The following ROBO2 variants were observed in gnomAD, a reference collection of about 807,000 sequenced individuals.
The protein encoded by ROBO2 is roundabout homolog 2.
ROBO2 carries 53 observed loss-of-function variants against 160.8 expected under a neutral mutation model. That is an observed-to-expected ratio of 0.33 (90% confidence interval 0.26 to 0.41). ROBO2 has a LOEUF of 0.41. Among genes scored for constraint, ROBO2 ranks in the 10% least tolerant of loss-of-function variants. The pLI is 1.00. For synonymous variants in ROBO2, 664 were observed against 611.7 expected, an observed-to-expected ratio of 1.09 and a Z score of -1.26; for missense variants, 1,577 against 1,722.4, an observed-to-expected ratio of 0.92 and a Z score of 1.49.
chr3:76,953,957 T>C (rs2079101268), intron 2 of ROBO2, among the ~76,000 whole-genome samples: 2 of 152,228 alleles, frequency 1.3e-5, no homozygotes, highest in Non-Finnish European at 2.9e-5. Flanking sequence ...TAAAATTCCA[T>C]ATAGCTGTAG....
At chr3:77,071,575 G>A (rs2067415356) in intron 1 of ROBO2, among the ~76,000 whole-genome samples, 1 of 152,104 alleles carries the variant, frequency 6.6e-6, no homozygotes, top group East Asian at 1.9e-4. Context: ...ATGCTGTTTT[G>A]GAAAGCATGG....
chr3:77,354,018 A>G (rs958653977), intron 2 of ROBO2, among the ~76,000 whole-genome samples: 4 of 152,192 alleles, frequency 2.6e-5, no homozygotes, highest in African/African-American at 9.7e-5. Context: ...GCACTTTGAA[A>G]TTATGCCCTT....
intron 2 of ROBO2, among the ~76,000 whole-genome samples, chr3:76,339,124 A>C (rs2074062969): frequency 6.6e-6 from 1 of 152,150 alleles, no homozygotes; most frequent in Non-Finnish European, 1.5e-5. Context: ...TGTCCTTTAA[A>C]CTTATCTAAA....
chr3:77,330,026 T>C (rs2065821033), intron 2 of ROBO2, among the ~76,000 whole-genome samples: 1 of 152,200 alleles, frequency 6.6e-6, no homozygotes, highest in Non-Finnish European at 1.5e-5. Context: ...GTAATATTTC[T>C]ACTTTTCCTT....
At chr3:77,367,307 T>C (rs1462237573) in intron 2 of ROBO2, among the ~76,000 whole-genome samples, 2 of 152,152 alleles carry the variant, frequency 1.3e-5, no homozygotes, top group African/African-American at 4.8e-5. Flanking sequence ...GTATCCTTTT[T>C]CTAAGGAAAT....
At chr3:77,218,157 T>C (rs61123920) in intron 2 of ROBO2, among the ~76,000 whole-genome samples, 5,391 of 152,232 alleles carry the variant, frequency 0.035, 115 homozygotes, top group Middle Eastern at 0.058. Flanking sequence ...TATGGATGTG[T>C]TCAATCCCCT....
At chr3:76,969,834 A>AGT (rs372433106) in intron 2 of ROBO2, among the ~76,000 whole-genome samples, 58 of 151,540 alleles carry the variant, frequency 3.8e-4, no homozygotes, top group Non-Finnish European at 6.1e-4. Flanking sequence ...TGTGTGTGTT[A>AGT]GTGTGTGTGT....
rs538506381 is a variant in ROBO2, at chr3:77,570,084, A to C, written c.1971+1650A>C. The stretch of plus-strand genomic sequence containing the variant: ...GTACCCTTGAGTAGATACAAAACTA[A>C]CAAAGCCAAAATACTACGCTGTATT... On this transcript the variant is annotated intron_variant, in intron 13 of 25. Transcript: ENST00000461745. Among the ~76,000 whole-genome samples the C allele has an allele frequency of 2.2e-3, 335 of 152,066 alleles. 1 individual carries two copies. Among genetic ancestry groups the C allele is most frequent in the African/African-American group, 7.8e-3 (322 of 41,522 alleles).
chr3:76,171,691 C>CAT, intron 2 of ROBO2, among the ~76,000 whole-genome samples: 1 of 150,990 alleles, frequency 6.6e-6, no homozygotes, highest in East Asian at 1.9e-4. Flanking sequence ...AGAAAAATCC[C>CAT]TTTTTTTTTA....
intron 2 of ROBO2, among the ~76,000 whole-genome samples, chr3:76,743,178 G>T (rs148710070): frequency 6.6e-6 from 1 of 152,198 alleles, no homozygotes; most frequent in Non-Finnish European, 1.5e-5. Context: ...TAAGTCAAGT[G>T]TCAGTCTCTC....
Position 77,433,467 on chromosome 3 carries a change from C to A in ROBO2, c.389-43947C>A, listed in dbSNP as rs556368221. Among the ~76,000 whole-genome samples the A allele has an allele frequency of 2.8e-3, 313 of 110,376 alleles. 4 individuals carry two copies. Among genetic ancestry groups the A allele is most frequent in the African/African-American group, 9.6e-3 (295 of 30,692 alleles). The allele number at this position is 110,376 out of a possible 152,430, so 72.4% of individuals were successfully genotyped here. A position where few individuals can be genotyped will look rare whatever the true frequency, so the allele number is the denominator to read the frequency against. On this transcript the variant is annotated intron_variant, in intron 2 of 25. Transcript: ENST00000461745. Reference sequence around the variant, plus strand: ...AGATGCCCTGCACGCTAAGGATTTTCCTTCTTCTCTGGCAACTTGTATATA... The same window carrying A: ...AGATGCCCTGCACGCTAAGGATTTTACTTCTTCTCTGGCAACTTGTATATA...
intron 2 of ROBO2, among the ~76,000 whole-genome samples, chr3:76,304,759 T>C (rs879619960): frequency 0.11 from 15,364 of 138,900 alleles, 1,110 homozygotes; most frequent in Non-Finnish European, 0.15. Context: ...TCTTTCTTTC[T>C]TTCTTTCTTT....
At chr3:77,160,054 A>G (rs1407122682) in intron 2 of ROBO2, among the ~76,000 whole-genome samples, 1 of 152,138 alleles carries the variant, frequency 6.6e-6, no homozygotes, top group Non-Finnish European at 1.5e-5. Context: ...GAAAAAATAT[A>G]TAGATTCACC....
intron 2 of ROBO2, among the ~76,000 whole-genome samples, chr3:76,929,140 G>T (rs1577565373): frequency 6.6e-6 from 1 of 152,142 alleles, no homozygotes; most frequent in African/African-American, 2.4e-5. Flanking sequence ...TTTGCTTGTA[G>T]TCTCAGCTAC....
chr3:76,597,661 A>C (rs977542717), intron 2 of ROBO2, among the ~76,000 whole-genome samples: 6 of 152,110 alleles, frequency 3.9e-5, no homozygotes, highest in African/African-American at 1.4e-4. Flanking sequence ...TGAGAATGTA[A>C]AAATGATACA....
chr3:76,494,041 T>G (rs1335307291), intron 2 of ROBO2, among the ~76,000 whole-genome samples: 1 of 151,956 alleles, frequency 6.6e-6, no homozygotes, highest in Non-Finnish European at 1.5e-5. Flanking sequence ...GATATGTATG[T>G]GAATGTTCAC....
chr3:76,445,836 A>G (rs1577242846), intron 2 of ROBO2, among the ~76,000 whole-genome samples: 3 of 152,200 alleles, frequency 2.0e-5, no homozygotes, highest in South Asian at 4.1e-4. Flanking sequence ...ACAAAATTCA[A>G]CAGCCCCTCA....
chr3:76,573,695 C>A lies in ROBO2; in HGVS notation c.110-524319C>A, dbSNP rs1347312368. ...TTAATAATTTATATAGTTTTAAAAT[C>A]TTTGATGAGGGCTCATCATATCTAC... On this transcript the variant is annotated intron_variant, in intron 2 of 26. Coordinates refer to the ROBO2 transcript ENST00000487694. Among the ~76,000 whole-genome samples the A allele has an allele frequency of 2.0e-5, 3 of 152,070 alleles. 1 individual carries two copies. In the East Asian group the frequency reaches 5.8e-4, roughly 29 times the overall value.
At chr3:76,797,958 G>A (rs1052981594) in intron 2 of ROBO2, among the ~76,000 whole-genome samples, 8 of 151,526 alleles carry the variant, frequency 5.3e-5, no homozygotes, top group African/African-American at 1.9e-4. Context: ...GAAAACCGAG[G>A]ACTCTGTGGT....
Sources: gnomAD v4.1 joint callset for allele counts (sites outside exome capture counted in the v4.1 genomes callset) on GRCh38, gnomAD v4.1.1 for gene constraint, MANE v1.5 for transcripts, NCBI Gene and HGNC (gene_info 2026-07-23, HGNC 2026-07-21) for gene names.